Variants in SLC28A1 observed in about 807,000 individuals in gnomAD.
SLC28A1 encodes sodium/nucleoside cotransporter 1.
A neutral mutation model predicts 74.8 loss-of-function variants in SLC28A1; 64 were observed. That is an observed-to-expected ratio of 0.86 (90% confidence interval 0.70 to 1.05). The LOEUF is 1.05. Among genes scored for constraint, SLC28A1 ranks in the 50% least tolerant of loss-of-function variants. SLC28A1 has a pLI of 0.00. For missense variants in SLC28A1, 828 were observed against 822.8 expected, an observed-to-expected ratio of 1.01 and a Z score of -0.08; for synonymous variants, 359 against 335.0, an observed-to-expected ratio of 1.07 and a Z score of -0.78.
chr15:84,931,050 T>C (rs77822354), intron 12 of SLC28A1, among the ~76,000 whole-genome samples: 17,294 of 152,028 alleles, frequency 0.11, 1,080 homozygotes, highest in African/African-American at 0.17. Context: ...GGATAACAGG[T>C]GTGAGCCCCA....
At chr15:84,890,238 G>C (rs1965209983) in intron 4 of SLC28A1, among the ~76,000 whole-genome samples, 1 of 152,260 alleles carries the variant, frequency 6.6e-6, no homozygotes, top group African/African-American at 2.4e-5. Flanking sequence ...GCCTGTGGGT[G>C]CTGCCACAGA....
intron 11 of SLC28A1, 36 bp downstream of exon 11, chr15:84,921,105 G>A (rs1161337921): frequency 1.3e-6 from 2 of 1,516,106 alleles, no homozygotes; most frequent in Non-Finnish European, 9.2e-7. Context: ...ATGCTCATCA[G>A]CAGCTTCCCC....
chr15:84,902,632 C>T (rs1370511646), intron 6 of SLC28A1, among the ~76,000 whole-genome samples: 7 of 151,808 alleles, frequency 4.6e-5, no homozygotes, highest in East Asian at 1.9e-4. Context: ...TATGCCAAAA[C>T]GTATCAAATT....
chr15:84,960,072 G>A, the SLC28A1 span, among the ~76,000 whole-genome samples: 1 of 151,972 alleles, frequency 6.6e-6, no homozygotes, highest in East Asian at 1.9e-4. Flanking sequence ...GAATCTTCCA[G>A]TCTCCTGCCT....
At chr15:84,944,066 G>A (rs1254703328) in intron 16 of SLC28A1, among the ~76,000 whole-genome samples, 1 of 152,198 alleles carries the variant, frequency 6.6e-6, no homozygotes, top group Non-Finnish European at 1.5e-5. Flanking sequence ...TGTCCCCAAG[G>A]CTTTGGCCTG....
intron 7 of SLC28A1, among the ~76,000 whole-genome samples, chr15:84,905,275 C>T (rs1231540344): frequency 6.6e-6 from 1 of 152,214 alleles, no homozygotes; most frequent in African/African-American, 2.4e-5. Flanking sequence ...AGTGCCATGG[C>T]ATGCCCAAGG....
At chr15:84,906,520 G>GTTTC (rs1399584550) in intron 8 of SLC28A1, among the ~76,000 whole-genome samples, 25 of 54,180 alleles carry the variant, frequency 4.6e-4, no homozygotes, top group South Asian at 7.1e-4. Flanking sequence ...TTGTTTGTTT[G>GTTTC]TTTGTTTGTT....
intron 8 of SLC28A1, among the ~76,000 whole-genome samples, chr15:84,906,691 C>T (rs1345522743): frequency 6.8e-6 from 1 of 147,376 alleles, no homozygotes; most frequent in African/African-American, 2.5e-5. Context: ...CCTATGTTGC[C>T]CAGGCTGGTC....
the SLC28A1 span, among the ~76,000 whole-genome samples, chr15:84,967,328 T>C: frequency 2.0e-5 from 3 of 152,186 alleles, no homozygotes; most frequent in African/African-American, 7.2e-5. Context: ...GTAAACTTTC[T>C]ACCCCCCACC....
the SLC28A1 span, among the ~76,000 whole-genome samples, chr15:84,952,866 A>G: frequency 6.6e-6 from 1 of 152,186 alleles, no homozygotes; most frequent in African/African-American, 2.4e-5. Flanking sequence ...CTCAAAAAAT[A>G]AAAAAAATTT....
chr15:84,950,869 C>A, the SLC28A1 span, among the ~76,000 whole-genome samples: 2 of 152,090 alleles, frequency 1.3e-5, no homozygotes, highest in African/African-American at 4.8e-5. Context: ...AATATTTCAG[C>A]TTTCGTGGGC....
the SLC28A1 span, among the ~76,000 whole-genome samples, chr15:84,973,158 C>T: frequency 3.9e-5 from 6 of 152,228 alleles, no homozygotes; most frequent in Non-Finnish European, 8.8e-5. Flanking sequence ...CTTTCAGTCC[C>T]TGAATATGCC....
the SLC28A1 span, among the ~76,000 whole-genome samples, chr15:84,952,827 C>T: frequency 6.6e-6 from 1 of 151,360 alleles, no homozygotes; most frequent in East Asian, 1.9e-4. Context: ...CCACTGCACT[C>T]CAGCCTGGAG....
rs946642398 is a variant in SLC28A1 at position 84,945,625 on chromosome 15, G to A, written c.*425G>A. The A allele has an allele frequency of 1.9e-5, 5 of 268,962 alleles. No homozygotes were observed. Among genetic ancestry groups the A allele is most frequent in the Non-Finnish European group, 1.5e-5 (2 of 137,578 alleles). 16.7% of individuals were successfully genotyped at this position (268,962 alleles called of 1,614,324 possible). A position where few individuals can be genotyped will look rare whatever the true frequency, so the allele number is the denominator to read the frequency against. ...CTAGGATCTCTCTGTGGCTTCCCCT[G>A]CTGGGTGGTGTCACCTCTTTCTCTG... On this transcript the variant is annotated 3_prime_UTR_variant, in exon 19 of 19. Coordinates refer to ENST00000394573, the MANE Select transcript of SLC28A1 (RefSeq NM_004213.5).
In SLC28A1 at chr15:84,924,993, C is replaced by T. The variant is rs1056375705; in HGVS notation, c.1083+883C>T. On this transcript the variant is annotated intron_variant, in intron 12 of 18. Coordinates refer to ENST00000394573, the MANE Select transcript of SLC28A1 (RefSeq NM_004213.5). Reference sequence around the variant, plus strand: ...TTGGCTGACTGCAACCTCTAGCTCCCTGGTTCAAGCGTTTCTCCTGCCTCA... The same window carrying T: ...TTGGCTGACTGCAACCTCTAGCTCCTTGGTTCAAGCGTTTCTCCTGCCTCA... Among the ~76,000 whole-genome samples the T allele has an allele frequency of 1.3e-5, 2 of 150,288 alleles. 1 individual carries two copies. The highest frequency in any genetic ancestry group is 3.0e-5 in the Non-Finnish European group (2 of 67,744).
intron 6 of SLC28A1, among the ~76,000 whole-genome samples, chr15:84,896,650 A>G (rs1290167570): frequency 2.6e-5 from 4 of 152,130 alleles, no homozygotes; most frequent in African/African-American, 7.2e-5. Context: ...TGTCTCTACT[A>G]AAAATACAAA....
In SLC28A1 at chr15:84,924,101, C is replaced by T; in HGVS notation, c.1074C>T (p.Ile358=). 6.2e-7 allele frequency: 1 copy of T among 1,613,306 alleles called. No individual in the cohort carries two copies. The highest frequency in any genetic ancestry group is 1.7e-5 in the Admixed American group (1 of 59,974). The change falls in exon 12 of 19, where the codon ATC becomes ATT. Residue 358 remains isoleucine (I), a synonymous_variant. Transcript: ENST00000394573. ...CTGGCAGCCTGCTGGGTGCCTACATCTCCTTTGGGGTAGGTAGAGCCCTCC... is the reference window on the plus strand; with the variant it reads ...CTGGCAGCCTGCTGGGTGCCTACATTTCCTTTGGGGTAGGTAGAGCCCTCC... The part of the protein sequence containing the change: ...TIAGSLLGAY[I]SFGIDATSLI...
intron 5 of SLC28A1, among the ~76,000 whole-genome samples, chr15:84,892,649 T>C (rs1371886389): frequency 6.6e-6 from 1 of 152,234 alleles, no homozygotes; most frequent in Non-Finnish European, 1.5e-5. Flanking sequence ...CTTTTCAATA[T>C]CTTTATTACA....
intron 9 of SLC28A1, among the ~76,000 whole-genome samples, chr15:84,911,065 G>A (rs1450452350): frequency 4.6e-5 from 7 of 152,198 alleles, no homozygotes; most frequent in Non-Finnish European, 8.8e-5. Flanking sequence ...TTAAAGCCTC[G>A]TTAGCCAAAA....
Sources: allele counts gnomAD v4.1 joint callset (sites outside exome capture counted in the v4.1 genomes callset), GRCh38; gene constraint gnomAD v4.1.1; transcripts MANE v1.5; gene names NCBI Gene and HGNC (gene_info 2026-07-23, HGNC 2026-07-21).